GALNTL6: variants seen among roughly 807,000 people sequenced by gnomAD.
GALNTL6 encodes polypeptide N-acetylgalactosaminyltransferase-like 6.
In GALNTL6, 46 loss-of-function variants were observed where a neutral mutation model predicts 73.7. That is an observed-to-expected ratio of 0.62 (90% CI 0.49 to 0.80). GALNTL6 has a LOEUF of 0.80. Among genes scored for constraint, GALNTL6 ranks in the 30% least tolerant of loss-of-function variants. The pLI, the probability that GALNTL6 is intolerant of heterozygous loss-of-function variation, is 0.00. For missense variants in GALNTL6, 604 were observed against 755.0 expected, an observed-to-expected ratio of 0.80 and a Z score of 2.34; for synonymous variants, 259 against 263.7, an observed-to-expected ratio of 0.98 and a Z score of 0.17.
rs531359178 is a variant in GALNTL6 at position 172,602,864 on chromosome 4, A to AT, written c.554-206495dup. On this transcript the variant is annotated intron_variant, in intron 5 of 12. Transcript: ENST00000506823. ...TCAAGATGTGAGAAAAACAAATTATATTCATACAATAGGCCACTAGTCAGT... is the reference window on the plus strand; with the variant it reads ...TCAAGATGTGAGAAAAACAAATTATATTTCATACAATAGGCCACTAGTCAGT... 7.2e-5 allele frequency among the ~76,000 whole-genome samples: 11 copies of AT among 152,328 alleles called. No individual in the cohort carries two copies. The South Asian group carries it at 2.3e-3, about 32-fold the overall frequency.
In GALNTL6 at chr4:173,021,506, C is replaced by T. The variant is rs1432435490; in HGVS notation, c.1519C>T (p.Arg507Ter). The T allele has an allele frequency of 1.2e-6, 2 of 1,613,926 alleles. No individual in the cohort carries two copies. Among genetic ancestry groups the T allele is most frequent in the Admixed American group, 1.7e-5 (1 of 59,996 alleles). The stretch of plus-strand genomic sequence containing the variant: ...TACCTTTGGATGGAGAGAAGATATT[C>T]GACCCGGTGAGCCACTGCATACCCG... ...LFTFGWREDIRPGEPLHTRKF... is the reference protein window; with the variant it reads ...LFTFGWREDI The change falls in exon 12 of 13, where the codon CGA (arginine) becomes TGA (stop). Residue 507 changes from arginine to a stop codon, truncating the protein, a stop_gained. Transcript: ENST00000506823. LOFTEE classifies it high-confidence loss of function.
At chr4:172,095,999 T>C (rs552654269) in intron 2 of GALNTL6, among the ~76,000 whole-genome samples, 38 of 152,162 alleles carry the variant, frequency 2.5e-4, no homozygotes, top group African/African-American at 7.7e-4. Flanking sequence ...TTCTCTCTTT[T>C]CTATTAGTTA....
intron 7 of GALNTL6, among the ~76,000 whole-genome samples, chr4:172,829,014 CTT>C (rs1257185918): frequency 6.6e-6 from 1 of 152,228 alleles, no homozygotes; most frequent in Non-Finnish European, 1.5e-5. Flanking sequence ...CCAAGCCTCT[CTT>C]AGCTTCTCCA....
intron 4 of GALNTL6, among the ~76,000 whole-genome samples, chr4:172,320,105 G>A (rs760514998): frequency 1.3e-5 from 2 of 152,050 alleles, no homozygotes; most frequent in Non-Finnish European, 2.9e-5. Context: ...AAAGTCTTGG[G>A]TAATCATAGT....
intron 5 of GALNTL6, among the ~76,000 whole-genome samples, chr4:172,611,080 C>T (rs79406006): frequency 0.031 from 4,700 of 152,044 alleles, 111 homozygotes; most frequent in South Asian, 0.085. Context: ...GATGTCATTC[C>T]ATGAGCTAGG....
chr4:172,478,779 A>G (rs890027094), intron 5 of GALNTL6, among the ~76,000 whole-genome samples: 2 of 152,328 alleles, frequency 1.3e-5, no homozygotes, highest in Non-Finnish European at 1.5e-5. Flanking sequence ...AATATCCAGA[A>G]CCTATAAGGA....
At chr4:172,907,196 A>G (rs563727645) in intron 8 of GALNTL6, among the ~76,000 whole-genome samples, 4 of 152,066 alleles carry the variant, frequency 2.6e-5, no homozygotes, top group Non-Finnish European at 5.9e-5. Context: ...AGCACATACT[A>G]TAATGTTCTA....
chr4:172,138,515 T>TA (rs1560938392), intron 2 of GALNTL6, among the ~76,000 whole-genome samples: 20 of 6,234 alleles, frequency 3.2e-3, no homozygotes, highest in South Asian at 0.011. Flanking sequence ...ATATATATAT[T>TA]TTTTTTTTTT....
Position 172,952,247 on chromosome 4 carries a change from G to A in GALNTL6, c.1360G>A (p.Ala454Thr). 2 of 1,613,454 alleles carry A rather than the reference G, an allele frequency of 1.2e-6. No individual in the cohort carries two copies. Among genetic ancestry groups the A allele is most frequent in the Non-Finnish European group, 8.5e-7 (1 of 1,179,502 alleles). The change falls in exon 10 of 13, where the codon GCC (alanine) becomes ACC (threonine). Residue 454 changes from alanine to threonine, a missense_variant. Coordinates refer to ENST00000506823, the MANE Select transcript of GALNTL6 (RefSeq NM_001034845.3). ...CCCTCCAGTGGAGCCCCCGCCTGCT[G>A]CCTGGGGGGAGGTGAGGAAAGGTTG... Reference protein sequence around the residue: ...YYPPVEPPPAAWGEIRNVAAN... With the variant: ...YYPPVEPPPATWGEIRNVAAN...
chr4:172,015,399 A>G (rs1228720040), intron 2 of GALNTL6, among the ~76,000 whole-genome samples: 1 of 151,890 alleles, frequency 6.6e-6, no homozygotes, highest in Non-Finnish European at 1.5e-5. Flanking sequence ...TATGTGTAAT[A>G]TCTTATTCCA....
chr4:171,972,903 C>A (rs966485), intron 2 of GALNTL6, among the ~76,000 whole-genome samples: 4,091 of 152,048 alleles, frequency 0.027, 142 homozygotes, highest in African/African-American at 0.076. Flanking sequence ...TTACTAAATA[C>A]AACAGAATAA....
chr4:172,450,177 G>A (rs181932967), intron 5 of GALNTL6, among the ~76,000 whole-genome samples: 55 of 150,052 alleles, frequency 3.7e-4, no homozygotes, highest in African/African-American at 1.3e-3. Context: ...AGATCACGTC[G>A]CTGCACTCCA....
intron 2 of GALNTL6, among the ~76,000 whole-genome samples, chr4:171,930,037 G>A (rs80050610): frequency 0.042 from 6,449 of 152,242 alleles, 395 homozygotes; most frequent in African/African-American, 0.14. Context: ...CCCCACCCCC[G>A]CTAGTCCCTT....
chr4:172,589,403 A>G (rs1353163776), intron 5 of GALNTL6, among the ~76,000 whole-genome samples: 1 of 152,204 alleles, frequency 6.6e-6, no homozygotes, highest in South Asian at 2.1e-4. Flanking sequence ...TTATTGATTT[A>G]TAGTCATTTC....
At chr4:172,384,969 TTGTGTGTGTG>T (rs71655291) in intron 5 of GALNTL6, among the ~76,000 whole-genome samples, 2 of 145,388 alleles carry the variant, frequency 1.4e-5, no homozygotes, top group South Asian at 2.2e-4. Context: ...TGTTGTAATT[TTGTGTGTGTG>T]TGTGTGTGTG....
intron 2 of GALNTL6, among the ~76,000 whole-genome samples, chr4:172,059,459 A>G (rs1173624300): frequency 1.3e-5 from 2 of 152,226 alleles, no homozygotes; most frequent in Non-Finnish European, 2.9e-5. Flanking sequence ...GAGAAATAAA[A>G]CTAATTGTCA....
intron 5 of GALNTL6, among the ~76,000 whole-genome samples, chr4:172,615,291 ACC>A (rs1172897966): frequency 6.6e-6 from 1 of 151,530 alleles, no homozygotes; most frequent in African/African-American, 2.4e-5. Flanking sequence ...GACATTATAT[ACC>A]TCTTATTGTT....
intron 2 of GALNTL6, among the ~76,000 whole-genome samples, chr4:172,027,584 A>G (rs991251294): frequency 2.6e-5 from 4 of 152,048 alleles, no homozygotes; most frequent in Admixed American, 2.0e-4. Context: ...AATTAGTCCA[A>G]CTAAGAACCC....
chr4:172,316,884 T>C (rs1380198972), intron 4 of GALNTL6, among the ~76,000 whole-genome samples: 1 of 152,150 alleles, frequency 6.6e-6, no homozygotes, highest in African/African-American at 2.4e-5. Flanking sequence ...GATGGCAGAA[T>C]AAGATGACTG....
Sources: gnomAD v4.1 joint callset for allele counts (sites outside exome capture counted in the v4.1 genomes callset) on GRCh38, gnomAD v4.1.1 for gene constraint, MANE v1.5 for transcripts, NCBI Gene and HGNC (gene_info 2026-07-23, HGNC 2026-07-21) for gene names.